Variants in SVEP1 observed in about 807,000 individuals in gnomAD.
SVEP1 encodes the protein sushi, von Willebrand factor type A, EGF and pentraxin domain-containing protein 1.
Under a neutral mutation model 367.3 loss-of-function variants are expected in SVEP1, and 164 were observed. The ratio of observed to expected loss-of-function variants is 0.45; its 90% CI spans 0.39 to 0.51. The LOEUF (loss-of-function observed/expected upper bound fraction) is 0.51. Ranked by LOEUF, SVEP1 falls within the 20% of genes least tolerant of loss-of-function variation. The pLI is 0.00. For synonymous variants in SVEP1, 1,666 were observed against 1,611.6 expected (o/e 1.03, Z -0.81); for missense variants, 4,117 against 4,425.3 (o/e 0.93, Z 1.98).
rs538126952 is a variant in SVEP1, at chr9:110,404,744, G to T, written c.9441-192C>A. ...CAACATAACAATAACAACCAGTTGA[G>T]CTGGGTGCGGTGGCTCATGCCTGTA... On this transcript the variant is annotated intron_variant, in intron 38 of 47. Transcript: ENST00000374469. Among the ~76,000 whole-genome samples, 176 of 152,336 alleles carry T rather than the reference G, an allele frequency of 1.2e-3. 1 individual carries two copies. Among genetic ancestry groups the T allele is most frequent in the South Asian group, 4.8e-3 (23 of 4,828 alleles).
At chr9:110,439,581 G>A (rs1014390149) in intron 27 of SVEP1, among the ~76,000 whole-genome samples, 1 of 151,400 alleles carries the variant, frequency 6.6e-6, no homozygotes, top group African/African-American at 2.4e-5. Context: ...TGTATTTTTA[G>A]TAGAGACGGG....
intron 1 of SVEP1, among the ~76,000 whole-genome samples, chr9:110,572,839 G>C (rs1168538292): frequency 7.1e-6 from 1 of 140,190 alleles, no homozygotes; most frequent in Non-Finnish European, 1.6e-5. Flanking sequence ...TTTTGCCTGG[G>C]AAATATATGT....
intron 43 of SVEP1, among the ~76,000 whole-genome samples, chr9:110,380,484 T>C (rs1442529079): frequency 6.6e-6 from 1 of 152,162 alleles, no homozygotes; most frequent in African/African-American, 2.4e-5. Flanking sequence ...AGGAAATAAA[T>C]GAATTATGTT....
Position 110,472,634 on chromosome 9 carries a change from G to C in SVEP1, c.2600-311C>G, listed in dbSNP as rs185419217. Among the ~76,000 whole-genome samples, 111 of 152,204 alleles carry C rather than the reference G, an allele frequency of 7.3e-4. 1 individual carries two copies. Among genetic ancestry groups the C allele is most frequent in the Admixed American group, 6.7e-3 (103 of 15,292 alleles). On this transcript the variant is annotated intron_variant, in intron 14 of 47. Transcript: ENST00000374469. ...TTAGCTTTAGAGGTAAATTTTAGAG[G>C]TAAATAAGAGCTGGGTGCAAAATTC...
intron 40 of SVEP1, among the ~76,000 whole-genome samples, chr9:110,390,043 ATATATACACG>A (rs1827607985): frequency 2.5e-5 from 3 of 119,038 alleles, no homozygotes; most frequent in Non-Finnish European, 5.2e-5. Context: ...ATATATAAGT[ATATATACACG>A]TATATATATA....
At chr9:110,484,106 A>G (rs1931304) in intron 9 of SVEP1, among the ~76,000 whole-genome samples, 129,795 of 152,114 alleles carry the variant, frequency 0.85, 55,506 homozygotes, top group East Asian at 0.99. Context: ...TTATCTGAAG[A>G]GTCAAGACAA....
chr9:110,394,143 T>C (rs938505221), intron 40 of SVEP1, among the ~76,000 whole-genome samples: 3 of 151,936 alleles, frequency 2.0e-5, no homozygotes, highest in Non-Finnish European at 4.4e-5. Flanking sequence ...TGGCCGGGTA[T>C]TCCTCTGAGA....
At chr9:110,478,726 G>A (rs1829139835) in intron 13 of SVEP1, among the ~76,000 whole-genome samples, 1 of 152,128 alleles carries the variant, frequency 6.6e-6, no homozygotes, top group African/African-American at 2.4e-5. Flanking sequence ...TTTACCAAGT[G>A]TTTTTGAATG....
At chr9:110,468,792 T>C (rs1828975534) in intron 17 of SVEP1, 148 bp downstream of exon 17, 3 of 697,714 alleles carry the variant, frequency 4.3e-6, no homozygotes, top group Non-Finnish European at 6.7e-6. Context: ...TGAATAAATG[T>C]GTATGCTTTT....
At chr9:110,392,400 C>A (rs934617396) in intron 40 of SVEP1, among the ~76,000 whole-genome samples, 24 of 151,844 alleles carry the variant, frequency 1.6e-4, no homozygotes, top group African/African-American at 5.8e-4. Context: ...TTGATAATTT[C>A]CGTATTCATT....
chr9:110,458,891 C>G, intron 19 of SVEP1, 61 bp downstream of exon 19: 1 of 1,564,804 alleles, frequency 6.4e-7, no homozygotes, highest in Non-Finnish European at 8.7e-7. Context: ...GAAGCTACAA[C>G]AGAGACAGGG....
At chr9:110,434,534 C>A in intron 29 of SVEP1, 28 bp from the exon 30 acceptor site, 1 of 1,604,158 alleles carries the variant, frequency 6.2e-7, no homozygotes. Context: ...AGGTGCAGAG[C>A]TTGTCAGCGG....
At chr9:110,403,630 C>T (rs537311744) in intron 39 of SVEP1, among the ~76,000 whole-genome samples, 1 of 151,514 alleles carries the variant, frequency 6.6e-6, no homozygotes, top group South Asian at 2.1e-4. Flanking sequence ...CTAAAAGTGC[C>T]AAAATTAGGT....
intron 9 of SVEP1, among the ~76,000 whole-genome samples, chr9:110,489,440 C>G (rs1564157327): frequency 6.6e-6 from 1 of 152,188 alleles, no homozygotes; most frequent in Non-Finnish European, 1.5e-5. Context: ...TACATGGTGG[C>G]AGGCAAGAGA....
chr9:110,371,314 CAAACT>C (rs1301124571), intron 46 of SVEP1, among the ~76,000 whole-genome samples: 2 of 152,166 alleles, frequency 1.3e-5, no homozygotes, highest in African/African-American at 4.8e-5. Flanking sequence ...ACTGCACTAA[CAAACT>C]AGTCATTACA....
chr9:110,501,133 T>C (rs981444373), intron 6 of SVEP1, among the ~76,000 whole-genome samples: 6 of 147,966 alleles, frequency 4.1e-5, no homozygotes, highest in Non-Finnish European at 6.0e-5. Flanking sequence ...ATAATACATA[T>C]ATAAATTATG....
intron 3 of SVEP1, among the ~76,000 whole-genome samples, chr9:110,528,156 G>GTGTGTGTGTGTGTATGTATATATATA: frequency 2.9e-5 from 1 of 33,940 alleles, no homozygotes; most frequent in Non-Finnish European, 5.7e-5. Flanking sequence ...GTGTGTGTGT[G>GTGTGTGTGTGTGTATGTATATATATA]TATATATATA....
At chr9:110,549,019 C>A (rs1437455116) in intron 2 of SVEP1, among the ~76,000 whole-genome samples, 1 of 152,084 alleles carries the variant, frequency 6.6e-6, no homozygotes, top group Non-Finnish European at 1.5e-5. Context: ...ATGAACATCA[C>A]TAATTTCTTA....
chr9:110,366,557 T>C lies in SVEP1; in HGVS notation c.10698A>G (p.Lys3566=). The C allele has an allele frequency of 1.3e-6, 2 of 1,527,882 alleles. No homozygotes were observed. The highest frequency in any genetic ancestry group is 1.7e-6 in the Non-Finnish European group (2 of 1,143,372). The allele number at this position is 1,527,882 out of a possible 1,614,324, so 94.6% of individuals were successfully genotyped here. A position where few individuals can be genotyped will look rare whatever the true frequency, so the allele number is the denominator to read the frequency against. Reference sequence around the variant, plus strand: ...GCAGTGGTTAAAACCCAGTCCTCCTTTTCCTGGAAAAAAAAAAAAAAGCAA... The same window carrying C: ...GCAGTGGTTAAAACCCAGTCCTCCTCTTCCTGGAAAAAAAAAAAAAAGCAA... ...SSWTGHNCSR[K]RRTGF Residue 3566 remains lysine, a synonymous_variant, in exon 48 of 48, where the codon AAA becomes AAG. Transcript: ENST00000374469.
Sources: gnomAD v4.1 joint callset for allele counts (sites outside exome capture counted in the v4.1 genomes callset) on GRCh38, gnomAD v4.1.1 for gene constraint, MANE v1.5 for transcripts, NCBI Gene and HGNC (gene_info 2026-07-23, HGNC 2026-07-21) for gene names.